RPS6KA2: variants seen among roughly 807,000 people sequenced by gnomAD.
RPS6KA2 encodes ribosomal protein S6 kinase A2.
Under a neutral mutation model 91.8 loss-of-function variants are expected in RPS6KA2, and 42 were observed. The observed-to-expected ratio is 0.46, with a 90% CI of 0.36 to 0.59. The LOEUF is 0.59. RPS6KA2 is among the 20% of genes least tolerant of loss of function. The probability of loss-of-function intolerance (pLI) is 0.00; values close to 1 mark genes in which losing one functional copy is unlikely to be tolerated. For missense variants in RPS6KA2, 798 were observed against 978.5 expected, an observed-to-expected ratio of 0.82 and a Z score of 2.46; for synonymous variants, 414 against 393.6, an observed-to-expected ratio of 1.05 and a Z score of -0.61.
At chr6:166,417,564 T>C (rs192595323) in intron 19 of RPS6KA2, among the ~76,000 whole-genome samples, 2 of 152,012 alleles carry the variant, frequency 1.3e-5, no homozygotes, top group East Asian at 1.9e-4. Context: ...AGTCACAGAC[T>C]TCCCCGTCCC....
Position 166,688,670 on chromosome 6 carries a change from C to T in RPS6KA2, c.124-149886G>A, listed in dbSNP as rs544027570. The stretch of plus-strand genomic sequence containing the variant: ...GGGAAGGCGAGAGCGACAGCGTCAG[C>T]GTGAGGCTGGCAACAGACAGCGTTG... On this transcript the variant is annotated intron_variant, in intron 2 of 21. Coordinates refer to the RPS6KA2 transcript ENST00000503859. Among the ~76,000 whole-genome samples the T allele has an allele frequency of 8.5e-5, 13 of 152,332 alleles. No homozygotes were observed. The East Asian group carries it at 2.1e-3, about 25-fold the overall frequency.
chr6:166,790,211 A>C (rs1179136117), intron 2 of RPS6KA2, among the ~76,000 whole-genome samples: 1 of 152,256 alleles, frequency 6.6e-6, no homozygotes, highest in Non-Finnish European at 1.5e-5. Flanking sequence ...AATTACGTGA[A>C]GAATGCAGAA....
At chr6:166,687,490 C>T (rs1001373364) in intron 2 of RPS6KA2, among the ~76,000 whole-genome samples, 7 of 152,090 alleles carry the variant, frequency 4.6e-5, no homozygotes, top group African/African-American at 7.2e-5. Flanking sequence ...TAGAGGCCAG[C>T]GGGGTTTTTC....
chr6:166,550,435 T>A (rs1425451661), intron 1 of RPS6KA2, among the ~76,000 whole-genome samples: 4 of 122,866 alleles, frequency 3.3e-5, no homozygotes, highest in African/African-American at 1.2e-4. Flanking sequence ...AATAAACCTA[T>A]TAATTGGTAA....
rs1778247480 is a variant in RPS6KA2, at chr6:166,410,000, T to C, written c.*2762A>G. The C allele has an allele frequency of 6.6e-6, 1 of 152,190 alleles. No individual in the cohort carries two copies. Among genetic ancestry groups the C allele is most frequent in the South Asian group, 2.1e-4 (1 of 4,830 alleles). 9.4% of individuals were successfully genotyped at this position (152,190 alleles called of 1,614,324 possible). ...GCCCATGTTTGACTTTGGGATGGAA[T>C]TCAGCAAAGCTCTCCCACTGCAGAT... On this transcript the variant is annotated 3_prime_UTR_variant, in exon 21 of 21. Coordinates refer to ENST00000265678, the MANE Select transcript of RPS6KA2 (RefSeq NM_021135.6).
At chr6:166,541,819 A>G (rs911660882) in intron 1 of RPS6KA2, among the ~76,000 whole-genome samples, 3 of 152,262 alleles carry the variant, frequency 2.0e-5, no homozygotes, top group African/African-American at 7.2e-5. Context: ...TATTGAGAGC[A>G]AATGTACCTG....
intron 2 of RPS6KA2, among the ~76,000 whole-genome samples, chr6:166,844,311 G>C (rs551514882): frequency 1.3e-5 from 2 of 152,154 alleles, no homozygotes; most frequent in Admixed American, 1.3e-4. Context: ...TGGTGTTCCC[G>C]AGAAAGAAGA....
At chr6:166,656,943 AG>A (rs1438512542) in intron 2 of RPS6KA2, among the ~76,000 whole-genome samples, 1 of 152,186 alleles carries the variant, frequency 6.6e-6, no homozygotes, top group Non-Finnish European at 1.5e-5. Flanking sequence ...GAAATGACGC[AG>A]GATGGCCACT....
rs1301887541 is a variant in RPS6KA2 at position 166,813,310 on chromosome 6, T to C, written c.123+44890A>G. Among the ~76,000 whole-genome samples, 3 of 152,326 alleles carry C rather than the reference T, an allele frequency of 2.0e-5. No homozygotes were observed. In the East Asian group the frequency reaches 5.8e-4, roughly 29 times the overall value. ...CCACTGCTTCTGACCAAACCTCACA[T>C]TGTTGCTTCCATGTGGAGCTCCCTG... On this transcript the variant is annotated intron_variant, in intron 2 of 21. Transcript: ENST00000503859.
chr6:166,460,154 C>T lies in RPS6KA2; in HGVS notation c.973-603G>A, dbSNP rs764310609. On this transcript the variant is annotated intron_variant, in intron 11 of 20. Transcript: ENST00000265678. Reference sequence around the variant, plus strand: ...TCAGAATGAGGGCGCCCAGGCTCCTCGACAGGAGGACGCCTGCATCTGCAG... The same window carrying T: ...TCAGAATGAGGGCGCCCAGGCTCCTTGACAGGAGGACGCCTGCATCTGCAG... Among the ~76,000 whole-genome samples the T allele has an allele frequency of 9.2e-5, 14 of 152,328 alleles. No individual in the cohort carries two copies. In the South Asian group the frequency reaches 1.5e-3, roughly 16 times the overall value.
chr6:166,501,563 C>T (rs549216213), intron 6 of RPS6KA2, among the ~76,000 whole-genome samples: 7 of 152,324 alleles, frequency 4.6e-5, no homozygotes, highest in Admixed American at 1.3e-4. Flanking sequence ...CGCCATGTGC[C>T]GGACGTGACA....
intron 2 of RPS6KA2, among the ~76,000 whole-genome samples, chr6:166,671,348 A>G (rs1020206855): frequency 5.3e-5 from 8 of 152,208 alleles, no homozygotes; most frequent in African/African-American, 1.7e-4. Flanking sequence ...AGACACGCCA[A>G]CCTGTGGCTG....
rs977321368 is a variant in RPS6KA2, at chr6:166,448,638, C to G, written c.1332+86G>C. On this transcript the variant is annotated intron_variant, in intron 14 of 20. Transcript: ENST00000265678. This position sits in a 1 kb window ranked among gnomAD's most constrained non-coding sequence, Gnocchi z 4.7. ...CACTCACACAGGGCCCTGCTATGCTCCTATGCTCCGTGCTCCCACATACCA... is the reference window on the plus strand; with the variant it reads ...CACTCACACAGGGCCCTGCTATGCTGCTATGCTCCGTGCTCCCACATACCA... The G allele has an allele frequency of 2.8e-5, 41 of 1,473,348 alleles. No individual in the cohort carries two copies. Among genetic ancestry groups the G allele is most frequent in the Non-Finnish European group, 3.0e-5 (33 of 1,092,946 alleles). The allele number at this position is 1,473,348 out of a possible 1,614,324, so 91.3% of individuals were successfully genotyped here.
intron 2 of RPS6KA2, among the ~76,000 whole-genome samples, chr6:166,534,191 C>T (rs1006879204): frequency 2.9e-5 from 4 of 139,552 alleles, no homozygotes; most frequent in African/African-American, 8.4e-5. Flanking sequence ...CACTGCAGTC[C>T]GGCCTGGGCG....
chr6:166,676,646 G>A (rs528794156), intron 2 of RPS6KA2, among the ~76,000 whole-genome samples: 2 of 152,170 alleles, frequency 1.3e-5, no homozygotes, highest in African/African-American at 2.4e-5. Flanking sequence ...GAGCCCTCCC[G>A]TGAGGCCGGG....
chr6:166,759,400 C>A (rs1376902893), intron 2 of RPS6KA2, among the ~76,000 whole-genome samples: 3 of 152,170 alleles, frequency 2.0e-5, no homozygotes. Context: ...GTTCACAGGC[C>A]AAGTTATGGC....
rs543496648 is a variant in RPS6KA2, at chr6:166,633,733, A to G, written c.124-94949T>C. Among the ~76,000 whole-genome samples the G allele has an allele frequency of 1.7e-4, 26 of 152,392 alleles. No individual in the cohort carries two copies. In the South Asian group the frequency reaches 5.2e-3, roughly 30 times the overall value. On this transcript the variant is annotated intron_variant, in intron 2 of 21. Coordinates refer to the RPS6KA2 transcript ENST00000503859. Reference sequence around the variant, plus strand: ...ATTACAGTTATAATTATAGGATGGAAGAATTACTTGTTTGAATTTATTCAC... The same window carrying G: ...ATTACAGTTATAATTATAGGATGGAGGAATTACTTGTTTGAATTTATTCAC...
At chr6:166,807,449 A>T (rs1244616922) in intron 2 of RPS6KA2, among the ~76,000 whole-genome samples, 1 of 151,896 alleles carries the variant, frequency 6.6e-6, no homozygotes, top group East Asian at 1.9e-4. Context: ...TCTGGCGTGG[A>T]GGGTTGCAGG....
rs116811930 is a variant in RPS6KA2 at position 166,640,125 on chromosome 6, A to G, written c.124-101341T>C. 9.3e-3 allele frequency among the ~76,000 whole-genome samples: 1,412 copies of G among 152,302 alleles called. 26 individuals are homozygous for G. The highest frequency in any genetic ancestry group is 0.032 in the African/African-American group (1,346 of 41,560). On this transcript the variant is annotated intron_variant, in intron 2 of 21. Transcript: ENST00000503859. ...AAATAAGGGACTTTTCCAAGCCTAT[A>G]CATAAATTATAGAGGAATTCAAAAG...
Sources: gnomAD v4.1 joint callset for allele counts (sites outside exome capture counted in the v4.1 genomes callset) on GRCh38, gnomAD v4.1.1 for gene constraint, Gnocchi (gnomAD v3.1) non-coding constraint, MANE v1.5 for transcripts, NCBI Gene and HGNC (gene_info 2026-07-23, HGNC 2026-07-21) for gene names.